Variants in PHACTR1 observed in about 807,000 individuals in gnomAD.
PHACTR1 encodes the protein phosphatase and actin regulator 1.
PHACTR1 carries 16 observed loss-of-function variants against 69.2 expected under a neutral mutation model. The observed-to-expected ratio is 0.23, with a 90% confidence interval of 0.16 to 0.35. The LOEUF is 0.35. Ranked by LOEUF, PHACTR1 falls within the 10% of genes least tolerant of loss-of-function variation. The pLI, the probability that PHACTR1 is intolerant of heterozygous loss-of-function variation, is 1.00. For synonymous variants in PHACTR1, 312 were observed against 284.5 expected (o/e 1.10, Z -0.97); for missense variants, 510 against 734.7 (o/e 0.69, Z 3.54).
intron 4 of PHACTR1, among the ~76,000 whole-genome samples, chr6:12,860,431 A>G (rs1780824163): frequency 6.6e-6 from 1 of 152,086 alleles, no homozygotes; most frequent in Non-Finnish European, 1.5e-5. Context: ...AGTCTTTGCT[A>G]TTGTGAATAG....
intron 4 of PHACTR1, among the ~76,000 whole-genome samples, chr6:13,034,055 G>C (rs1014363395): frequency 6.6e-6 from 1 of 150,840 alleles, no homozygotes; most frequent in Non-Finnish European, 1.5e-5. Context: ...TCTCGCTGTC[G>C]CCCATGCTTG....
chr6:13,267,123 G>A (rs922211435), intron 10 of PHACTR1: 7 of 152,276 alleles, frequency 4.6e-5, no homozygotes, highest in Non-Finnish European at 5.9e-5. Context: ...GTGACTGTTT[G>A]ATTAATGGCT....
intron 5 of PHACTR1, among the ~76,000 whole-genome samples, chr6:13,111,878 A>AT (rs1016706348): frequency 1.3e-5 from 2 of 151,412 alleles, no homozygotes; most frequent in Admixed American, 6.6e-5. Context: ...AAGTGCCTTC[A>AT]TTTTTTTTAA....
At chr6:12,791,861 G>T (rs1048606474) in intron 4 of PHACTR1, among the ~76,000 whole-genome samples, 31 of 152,200 alleles carry the variant, frequency 2.0e-4, no homozygotes, top group Admixed American at 2.0e-3. Context: ...TTGCCTGAGG[G>T]TTGCACCATA....
chr6:13,037,028 C>T (rs1803418445), intron 4 of PHACTR1, among the ~76,000 whole-genome samples: 1 of 152,184 alleles, frequency 6.6e-6, no homozygotes. Flanking sequence ...CACAGAAGTT[C>T]TCCTGCATCT....
chr6:13,071,278 A>C (rs1809484784), intron 5 of PHACTR1, among the ~76,000 whole-genome samples: 1 of 152,084 alleles, frequency 6.6e-6, no homozygotes, highest in Non-Finnish European at 1.5e-5. Context: ...AATGCAAAAA[A>C]TTAGCCAGGC....
chr6:12,979,019 T>G (rs1245855285), intron 4 of PHACTR1, among the ~76,000 whole-genome samples: 1 of 152,186 alleles, frequency 6.6e-6, no homozygotes, highest in Non-Finnish European at 1.5e-5. Flanking sequence ...TGTTTTGTCC[T>G]TAATATGCTC....
intron 3 of PHACTR1, among the ~76,000 whole-genome samples, chr6:12,744,222 C>T (rs1199619907): frequency 7.2e-5 from 11 of 152,156 alleles, no homozygotes; most frequent in Admixed American, 7.2e-4. Context: ...AATTTGCTTC[C>T]TTAAAGGGAA....
rs369368898 is a variant in PHACTR1 at position 13,213,737 on chromosome 6, G to A, written c.986+7601G>A. Reference sequence around the variant, plus strand: ...TGGCCTTCCACCATGTGAGCGTGCCGCGTTTCTCCCAGCCAGAGGCTGCAG... The same window carrying A: ...TGGCCTTCCACCATGTGAGCGTGCCACGTTTCTCCCAGCCAGAGGCTGCAG... On this transcript the variant is annotated intron_variant, in intron 8 of 14. Transcript: ENST00000332995. Among the ~76,000 whole-genome samples, 263 of 152,302 alleles carry A rather than the reference G, an allele frequency of 1.7e-3. 2 individuals carry two copies. Among genetic ancestry groups the A allele is most frequent in the African/African-American group, 5.7e-3 (237 of 41,566 alleles).
chr6:13,135,217 C>A (rs955466906), intron 5 of PHACTR1, among the ~76,000 whole-genome samples: 2 of 152,184 alleles, frequency 1.3e-5, no homozygotes, highest in African/African-American at 4.8e-5. Context: ...CCCCTGCCTG[C>A]CTCCTAACAC....
At chr6:13,052,250 G>A (rs1806075260) in intron 4 of PHACTR1, among the ~76,000 whole-genome samples, 2 of 152,204 alleles carry the variant, frequency 1.3e-5, no homozygotes, top group Non-Finnish European at 2.9e-5. Flanking sequence ...AATTCCATAT[G>A]TATTTAATGA....
chr6:12,841,336 C>T (rs1414685642), intron 4 of PHACTR1, among the ~76,000 whole-genome samples: 2 of 152,170 alleles, frequency 1.3e-5, no homozygotes, highest in East Asian at 3.8e-4. Context: ...CATCATTCTA[C>T]TTAAAGAGTG....
At chr6:12,956,207 G>T (rs899124249) in intron 4 of PHACTR1, among the ~76,000 whole-genome samples, 1 of 152,208 alleles carries the variant, frequency 6.6e-6, no homozygotes, top group Admixed American at 6.5e-5. Context: ...ACAAGCCTCC[G>T]CTGGCTGGGA....
intron 5 of PHACTR1, among the ~76,000 whole-genome samples, chr6:13,095,203 C>G (rs77590718): frequency 0.015 from 2,345 of 152,310 alleles, 50 homozygotes; most frequent in African/African-American, 0.05. Flanking sequence ...GTGGTGTTTT[C>G]TTACAGCAGC....
rs1169023660 is a variant in PHACTR1, at chr6:13,286,745, TCTGA to T, written c.1728-315_1728-312del. On this transcript the variant is annotated intron_variant, in intron 14 of 14. Transcript: ENST00000332995. ...TTAGCAACAGAGCCATTGATTTAAT[TCTGA>T]CTTTCTTTTGGGGGGAACATTTAGA... Among the ~76,000 whole-genome samples, 5 of 152,400 alleles carry T rather than the reference TCTGA, an allele frequency of 3.3e-5. No individual in the cohort carries two copies. In the East Asian group the frequency reaches 7.7e-4, roughly 23 times the overall value.
chr6:12,870,329 T>A (rs1781901128), intron 4 of PHACTR1, among the ~76,000 whole-genome samples: 1 of 151,748 alleles, frequency 6.6e-6, no homozygotes, highest in Admixed American at 6.6e-5. Context: ...TGCTTTTCTT[T>A]TTCTTCTTTT....
chr6:12,815,941 A>G (rs1254962544), intron 4 of PHACTR1, among the ~76,000 whole-genome samples: 1 of 152,216 alleles, frequency 6.6e-6, no homozygotes, highest in Non-Finnish European at 1.5e-5. Context: ...GAAAGAATCA[A>G]TATTTCCTGG....
At chr6:13,160,317 A>G in intron 6 of PHACTR1, 33 bp downstream of exon 6, 1 of 1,573,532 alleles carries the variant, frequency 6.4e-7, no homozygotes, top group Non-Finnish European at 8.7e-7. Context: ...CCCCGGGTCA[A>G]AGAGTCATGC....
chr6:12,765,381 T>C (rs1768483273), intron 4 of PHACTR1, among the ~76,000 whole-genome samples: 1 of 152,210 alleles, frequency 6.6e-6, no homozygotes, highest in Non-Finnish European at 1.5e-5. Context: ...ATCTGCCTAA[T>C]TCACCTGTAA....
Sources: allele counts gnomAD v4.1 joint callset (sites outside exome capture counted in the v4.1 genomes callset), GRCh38; gene constraint gnomAD v4.1.1; transcripts MANE v1.5; gene names NCBI Gene and HGNC (gene_info 2026-07-23, HGNC 2026-07-21).